The following CYSTM1 variants were observed in gnomAD, a reference collection of about 807,000 sequenced individuals.
CYSTM1 encodes cysteine rich transmembrane module containing 1.
In CYSTM1, 4 loss-of-function variants were observed where a neutral mutation model predicts 13.1. The ratio of observed to expected loss-of-function variants is 0.31; its 90% confidence interval spans 0.15 to 0.70. CYSTM1 has a LOEUF of 0.70. Among genes scored for constraint, CYSTM1 ranks in the 30% least tolerant of loss-of-function variants. The pLI is 0.72. For synonymous variants in CYSTM1, 36 were observed against 42.7 expected, an observed-to-expected ratio of 0.84 and a Z score of 0.62; for missense variants, 96 against 121.6, an observed-to-expected ratio of 0.79 and a Z score of 0.99.
At chr5:140,226,481 A>AT (rs1764551375) in intron 2 of CYSTM1, among the ~76,000 whole-genome samples, 3 of 117,020 alleles carry the variant, frequency 2.6e-5, no homozygotes, top group Admixed American at 1.1e-4. Context: ...ATATATATAT[A>AT]TTTATATATA....
intron 1 of CYSTM1, among the ~76,000 whole-genome samples, chr5:140,191,970 G>A (rs1156551872): frequency 1.3e-5 from 2 of 152,154 alleles, no homozygotes; most frequent in Admixed American, 1.3e-4. Context: ...TTGCATTAGG[G>A]TTCCTAGGTC....
At chr5:140,221,724 T>G (rs546566595) in intron 2 of CYSTM1, among the ~76,000 whole-genome samples, 1 of 152,330 alleles carries the variant, frequency 6.6e-6, no homozygotes, top group African/African-American at 2.4e-5. Flanking sequence ...GGGTAAGGGT[T>G]TAAAGCACAA....
intron 1 of CYSTM1, among the ~76,000 whole-genome samples, chr5:140,180,263 G>A (rs1763947818): frequency 6.6e-6 from 1 of 152,168 alleles, no homozygotes; most frequent in Admixed American, 6.5e-5. Context: ...TAGGATTCGA[G>A]TGCTTGCTGA....
chr5:140,231,527 A>G (rs1366991900), intron 2 of CYSTM1, among the ~76,000 whole-genome samples: 6 of 152,238 alleles, frequency 3.9e-5, no homozygotes, highest in Admixed American at 3.9e-4. Context: ...TAGGGAGGGA[A>G]CCAGACATTA....
At chr5:140,231,416 TAC>T (rs1447775850) in intron 2 of CYSTM1, among the ~76,000 whole-genome samples, 1 of 152,190 alleles carries the variant, frequency 6.6e-6, no homozygotes, top group Non-Finnish European at 1.5e-5. Flanking sequence ...ACCAGGGTTC[TAC>T]AGAGACAATC....
At chr5:140,206,055 A>C (rs1281903155) in intron 2 of CYSTM1, among the ~76,000 whole-genome samples, 1 of 152,086 alleles carries the variant, frequency 6.6e-6, no homozygotes, top group African/African-American at 2.4e-5. Context: ...GACTCCTGCC[A>C]CTTTGCCCCT....
At chr5:140,228,399 G>C (rs1371212687) in intron 2 of CYSTM1, among the ~76,000 whole-genome samples, 1 of 152,206 alleles carries the variant, frequency 6.6e-6, no homozygotes, top group Non-Finnish European at 1.5e-5. Context: ...AGGCTTCAGG[G>C]GTGGGGCTCA....
At chr5:140,199,010 T>C (rs969642380) in intron 2 of CYSTM1, among the ~76,000 whole-genome samples, 2 of 152,080 alleles carry the variant, frequency 1.3e-5, no homozygotes, top group Non-Finnish European at 2.9e-5. Flanking sequence ...CCTGTGTCCA[T>C]GTGTTCTCTT....
intron 2 of CYSTM1, chr5:140,201,700 T>G (rs567714181): frequency 6.6e-6 from 1 of 152,358 alleles, no homozygotes; most frequent in African/African-American, 2.4e-5. Context: ...TCAACCTTGC[T>G]CTTAGTGTTT....
chr5:140,196,063 G>A (rs1374317168), intron 2 of CYSTM1, among the ~76,000 whole-genome samples: 1 of 151,322 alleles, frequency 6.6e-6, no homozygotes, highest in Admixed American at 6.6e-5. Flanking sequence ...AGTGCTTATT[G>A]TGTGTCACAT....
chr5:140,181,338 C>T (rs1763960362), intron 1 of CYSTM1, among the ~76,000 whole-genome samples: 1 of 152,190 alleles, frequency 6.6e-6, no homozygotes, highest in African/African-American at 2.4e-5. Flanking sequence ...ACAGCCTTTC[C>T]TCCCCAACAC....
At position 140,219,740 on chromosome 5, in the gene CYSTM1, A is replaced by G. The variant is rs1554133193; in HGVS notation, c.188-23565A>G. Among the ~76,000 whole-genome samples the G allele has an allele frequency of 6.6e-6, 1 of 152,236 alleles. No homozygotes were observed. Among genetic ancestry groups the G allele is most frequent in the Admixed American group, 6.5e-5 (1 of 15,282 alleles). On this transcript the variant is annotated intron_variant, in intron 2 of 2. Transcript: ENST00000261811. This position sits in a 1 kb window ranked among gnomAD's most constrained non-coding sequence, Gnocchi z 4.1. ...AAAACACGTTTTATGTTCATTAAAA[A>G]TGATATGGCAGTGTTTACCTTCTTA...
intron 2 of CYSTM1, among the ~76,000 whole-genome samples, chr5:140,226,613 A>ATATAAATATATAT (rs61099181): frequency 1.2e-5 from 1 of 85,322 alleles, no homozygotes; most frequent in Non-Finnish European, 2.2e-5. Flanking sequence ...TATATATATA[A>ATATAAATATATAT]AAATTAGCCA....
chr5:140,206,043 C>T (rs909280771), intron 2 of CYSTM1, among the ~76,000 whole-genome samples: 4 of 152,208 alleles, frequency 2.6e-5, no homozygotes, highest in African/African-American at 9.6e-5. Context: ...TGCCACCTCT[C>T]TGACTCCTGC....
At chr5:140,209,156 G>A (rs533988562) in intron 2 of CYSTM1, among the ~76,000 whole-genome samples, 13 of 152,030 alleles carry the variant, frequency 8.6e-5, no homozygotes, top group African/African-American at 1.2e-4. Context: ...AGATGAAGAA[G>A]AGTTTAAAGA....
intron 2 of CYSTM1, among the ~76,000 whole-genome samples, chr5:140,222,811 C>T (rs1764506932): frequency 6.6e-6 from 1 of 152,178 alleles, no homozygotes; most frequent in South Asian, 2.1e-4. Context: ...AACTTAGAGT[C>T]TAGTTAGGGA....
At chr5:140,209,274 T>C (rs1438005290) in intron 2 of CYSTM1, among the ~76,000 whole-genome samples, 5 of 150,792 alleles carry the variant, frequency 3.3e-5, no homozygotes, top group African/African-American at 9.7e-5. Context: ...CTTTTCTTTT[T>C]TTTTTTTTTT....
chr5:140,207,402 A>C (rs1197562746), intron 2 of CYSTM1, among the ~76,000 whole-genome samples: 6 of 152,104 alleles, frequency 3.9e-5, no homozygotes, highest in Non-Finnish European at 8.8e-5. Context: ...ACCCCTCCTT[A>C]CTTATTGCAG....
chr5:140,209,968 A>G (rs1278419783), intron 2 of CYSTM1, among the ~76,000 whole-genome samples: 2 of 152,176 alleles, frequency 1.3e-5, no homozygotes, highest in Admixed American at 1.3e-4. Flanking sequence ...AGCAGTCACA[A>G]ATGTCTTAAT....
Sources: allele counts gnomAD v4.1 joint callset (sites outside exome capture counted in the v4.1 genomes callset), GRCh38; gene constraint gnomAD v4.1.1; non-coding constraint Gnocchi (gnomAD v3.1); transcripts MANE v1.5; gene names NCBI Gene and HGNC (gene_info 2026-07-23, HGNC 2026-07-21).